Variants in ANK2 observed in about 807,000 individuals in gnomAD.
ANK2 encodes ankyrin-2.
A neutral mutation model predicts 360.5 loss-of-function variants in ANK2; 83 were observed. The ratio of observed to expected loss-of-function variants is 0.23; its 90% CI spans 0.19 to 0.28. The LOEUF is 0.28. Among genes scored for constraint, ANK2 ranks in the 10% least tolerant of loss-of-function variants. The pLI is 1.00. For synonymous variants in ANK2, 1,740 were observed against 1,759.5 expected (o/e 0.99, Z 0.28); for missense variants, 4,201 against 4,795.7 (o/e 0.88, Z 3.66).
At chr4:113,129,016 G>C (rs1374790861) in intron 1 of ANK2, among the ~76,000 whole-genome samples, 2 of 152,042 alleles carry the variant, frequency 1.3e-5, no homozygotes, top group African/African-American at 4.8e-5. Flanking sequence ...GAACAGGCTC[G>C]GAAAATGATG....
the ANK2 span, among the ~76,000 whole-genome samples, chr4:112,795,131 A>G: frequency 6.6e-6 from 1 of 152,218 alleles, no homozygotes; most frequent in Non-Finnish European, 1.5e-5. Flanking sequence ...AGGGACAGAG[A>G]GCACTGGACA....
upstream of ANK2, among the ~76,000 whole-genome samples, chr4:112,813,275 A>T (rs2149479458): frequency 6.6e-6 from 1 of 151,570 alleles, no homozygotes; most frequent in African/African-American, 2.4e-5. Context: ...TCTGGTCATT[A>T]TGGAAACTTT....
the ANK2 span, among the ~76,000 whole-genome samples, chr4:112,761,405 G>C: frequency 6.6e-6 from 1 of 152,048 alleles, no homozygotes; most frequent in African/African-American, 2.4e-5. Context: ...TGGATCACGA[G>C]GTTAGGAGAT....
chr4:113,015,209 T>A (rs2056251927), intron 2 of ANK2, among the ~76,000 whole-genome samples: 1 of 152,156 alleles, frequency 6.6e-6, no homozygotes, highest in Non-Finnish European at 1.5e-5. Flanking sequence ...TTGTTAGAAA[T>A]AACCCTGGCA....
At chr4:113,322,081 A>C (rs1313006684) in intron 26 of ANK2, among the ~76,000 whole-genome samples, 1 of 152,218 alleles carries the variant, frequency 6.6e-6, no homozygotes. Context: ...TTTTTTATGC[A>C]CATGCCACTG....
chr4:112,737,321 T>C, the ANK2 span, among the ~76,000 whole-genome samples: 2 of 152,232 alleles, frequency 1.3e-5, no homozygotes, highest in Admixed American at 6.5e-5. Context: ...GTAAGTTCTC[T>C]CTGTAAATCT....
chr4:112,795,753 C>T, the ANK2 span, among the ~76,000 whole-genome samples: 5 of 151,436 alleles, frequency 3.3e-5, no homozygotes, highest in African/African-American at 1.2e-4. Context: ...CCACCTGCCT[C>T]AGCCTCCCAA....
chr4:112,757,074 A>G, the ANK2 span, among the ~76,000 whole-genome samples: 1 of 151,602 alleles, frequency 6.6e-6, no homozygotes, highest in African/African-American at 2.4e-5. Flanking sequence ...TTCCCAAATT[A>G]TATCATTTCT....
chr4:113,293,557 C>A lies in ANK2; in HGVS notation c.2475+19C>A, dbSNP rs377657569. On this transcript the variant is annotated intron_variant, in intron 22 of 45. Transcript: ENST00000357077. ...CACCACAGTGAGTATGAGTGACTGA[C>A]TAGCTTCAGCCCTGTTATTCTTCGT... 35 of 1,591,266 alleles carry A rather than the reference C, an allele frequency of 2.2e-5. No homozygotes were observed. The highest frequency in any genetic ancestry group is 5.0e-5 in the Admixed American group (3 of 59,934).
At chr4:113,179,527 C>G (rs1015190361) in intron 2 of ANK2, among the ~76,000 whole-genome samples, 2 of 152,090 alleles carry the variant, frequency 1.3e-5, no homozygotes, top group East Asian at 1.9e-4. Context: ...TGAAAATACT[C>G]TAAAAGAATG....
chr4:112,838,216 T>G (rs185200212), intron 1 of ANK2, among the ~76,000 whole-genome samples: 2 of 152,212 alleles, frequency 1.3e-5, no homozygotes, highest in Admixed American at 1.3e-4. Flanking sequence ...TCTCTCTCTT[T>G]CCTGCCACCT....
intron 2 of ANK2, among the ~76,000 whole-genome samples, chr4:112,996,490 A>C (rs2048554454): frequency 6.6e-6 from 1 of 152,220 alleles, no homozygotes; most frequent in Non-Finnish European, 1.5e-5. Context: ...CTGTGCTTAT[A>C]GAATGTAATA....
the ANK2 span, among the ~76,000 whole-genome samples, chr4:112,810,393 G>T: frequency 6.6e-6 from 1 of 151,920 alleles, no homozygotes; most frequent in African/African-American, 2.4e-5. Flanking sequence ...CTGATACCCA[G>T]TATACATCCA....
intron 20 of ANK2, among the ~76,000 whole-genome samples, chr4:113,291,948 T>C (rs1435233395): frequency 1.3e-5 from 2 of 152,238 alleles, no homozygotes; most frequent in African/African-American, 4.8e-5. Flanking sequence ...AGGTTAATTA[T>C]TAGGAGAGTC....
chr4:113,190,593 AG>A (rs1344534637), intron 2 of ANK2, among the ~76,000 whole-genome samples: 1 of 152,154 alleles, frequency 6.6e-6, no homozygotes, highest in Non-Finnish European at 1.5e-5. Context: ...TGAGAAGTTG[AG>A]GTCTAAAGAA....
Position 113,076,184 on chromosome 4 carries a change from C to T in ANK2, c.84+26372C>T, listed in dbSNP as rs549122855. 4.6e-5 allele frequency among the ~76,000 whole-genome samples: 7 copies of T among 152,274 alleles called. No homozygotes were observed. The South Asian group carries it at 8.3e-4, about 18-fold the overall frequency. On this transcript the variant is annotated intron_variant, in intron 1 of 45. Coordinates refer to ENST00000357077, the MANE Select transcript of ANK2 (RefSeq NM_001148.6). ...GGGCTACACATAAAATATAGTAACA[C>T]GAACGATAGTTGATGAGCTTAAAAG...
chr4:112,957,619 A>T lies in ANK2; in HGVS notation c.21+53105A>T, dbSNP rs1211739867. ...GGCAGAGGCGCCCCTCACCTCCCGGACGGGGCGGCTGGCCGGGCGGGGGGC... is the reference window on the plus strand; with the variant it reads ...GGCAGAGGCGCCCCTCACCTCCCGGTCGGGGCGGCTGGCCGGGCGGGGGGC... On this transcript the variant is annotated intron_variant, in intron 2 of 30. Coordinates refer to the ANK2 transcript ENST00000503271. Among the ~76,000 whole-genome samples, 36 of 149,362 alleles carry T rather than the reference A, an allele frequency of 2.4e-4. 1 individual carries two copies. In the South Asian group the frequency reaches 7.2e-3, roughly 30 times the overall value.
intron 1 of ANK2, among the ~76,000 whole-genome samples, chr4:113,151,695 G>A (rs11947171): frequency 2.0e-5 from 3 of 152,000 alleles, no homozygotes; most frequent in Non-Finnish European, 4.4e-5. Context: ...ACTATAGAAA[G>A]TAGTAGACAT....
chr4:113,255,494 A>G (rs1416095314), intron 10 of ANK2, among the ~76,000 whole-genome samples: 2 of 152,322 alleles, frequency 1.3e-5, no homozygotes, highest in African/African-American at 4.8e-5. Flanking sequence ...CACACATACC[A>G]TGCATGACAG....
Sources: allele counts gnomAD v4.1 joint callset (sites outside exome capture counted in the v4.1 genomes callset), GRCh38; gene constraint gnomAD v4.1.1; transcripts MANE v1.5; gene names NCBI Gene and HGNC (gene_info 2026-07-23, HGNC 2026-07-21).